Variants in GALNT10 observed in about 807,000 individuals in gnomAD.
GALNT10 encodes the protein GalNAc transferase 10.
GALNT10 carries 41 observed loss-of-function variants against 75.0 expected under a neutral mutation model. That is an observed-to-expected ratio of 0.55 (90% CI 0.43 to 0.71). GALNT10 has a LOEUF of 0.71. Among genes scored for constraint, GALNT10 ranks in the 30% least tolerant of loss-of-function variants. The pLI, the probability that GALNT10 is intolerant of heterozygous loss-of-function variation, is 0.00. For synonymous variants in GALNT10, 302 were observed against 313.0 expected (o/e 0.96, Z 0.37); for missense variants, 727 against 818.5 (o/e 0.89, Z 1.36).
chr5:154,357,812 GC>G (rs1284890754), intron 4 of GALNT10, among the ~76,000 whole-genome samples: 1 of 152,090 alleles, frequency 6.6e-6, no homozygotes, highest in Non-Finnish European at 1.5e-5. Flanking sequence ...CAACCTGGGG[GC>G]CCGTTAAGCA....
chr5:154,214,020 C>G (rs1752826067), intron 1 of GALNT10, among the ~76,000 whole-genome samples: 1 of 152,160 alleles, frequency 6.6e-6, no homozygotes, highest in Non-Finnish European at 1.5e-5. Context: ...AGAAACTGTT[C>G]AACTCTAGTG....
intron 4 of GALNT10, among the ~76,000 whole-genome samples, chr5:154,357,664 T>C (rs1402356499): frequency 2.0e-5 from 3 of 152,208 alleles, no homozygotes; most frequent in Non-Finnish European, 4.4e-5. Flanking sequence ...TCTCCTGATA[T>C]CATCTCTGAG....
At chr5:154,199,333 C>T (rs554206337) in intron 1 of GALNT10, among the ~76,000 whole-genome samples, 2 of 152,270 alleles carry the variant, frequency 1.3e-5, no homozygotes, top group South Asian at 4.1e-4. Flanking sequence ...GGAGACAGAC[C>T]TCTCTTTCCC....
Position 154,409,297 on chromosome 5 carries a change from T to C in GALNT10, c.1165-244T>C, listed in dbSNP as rs927082797. The C allele has an allele frequency of 6.4e-5, 35 of 548,156 alleles. No homozygotes were observed. The highest frequency in any genetic ancestry group is 9.8e-5 in the Non-Finnish European group (30 of 305,464). 34.0% of individuals were successfully genotyped at this position (548,156 alleles called of 1,614,324 possible). On this transcript the variant is annotated intron_variant, in intron 8 of 11. Coordinates refer to ENST00000297107, the MANE Select transcript of GALNT10 (RefSeq NM_198321.4). This position sits in a 1 kb window ranked among gnomAD's most constrained non-coding sequence, Gnocchi z 4.5. Reference sequence around the variant, plus strand: ...AGTGGGGGCTATCGCTAGAAGAAGATGGGATGGAAGATGGGCAGGCAAAAC... The same window carrying C: ...AGTGGGGGCTATCGCTAGAAGAAGACGGGATGGAAGATGGGCAGGCAAAAC...
intron 2 of GALNT10, among the ~76,000 whole-genome samples, chr5:154,295,548 A>G (rs1181510540): frequency 1.8e-4 from 27 of 152,192 alleles, no homozygotes; most frequent in Admixed American, 1.8e-3. Context: ...GGCTTCAGCT[A>G]AAGTTTTCTT....
chr5:154,196,485 A>G (rs991403608), intron 1 of GALNT10, among the ~76,000 whole-genome samples: 2 of 151,982 alleles, frequency 1.3e-5, no homozygotes, highest in African/African-American at 2.4e-5. Context: ...TGTGATCTAG[A>G]GGTTTGTGGC....
chr5:154,283,365 C>A (rs1025970917), intron 1 of GALNT10, among the ~76,000 whole-genome samples: 1 of 149,744 alleles, frequency 6.7e-6, no homozygotes, highest in African/African-American at 2.5e-5. Context: ...AGGAGGATTG[C>A]TTGAGCCCAG....
At chr5:154,191,095 C>T (rs904702892) in intron 1 of GALNT10, 70 bp downstream of exon 1, 1 of 1,057,198 alleles carries the variant, frequency 9.5e-7, no homozygotes, top group Non-Finnish European at 1.3e-6. Flanking sequence ...GTGGTTCCTT[C>T]CTCCACCTTC....
At position 154,284,897 on chromosome 5, in the gene GALNT10, C is replaced by T. The variant is rs571549727; in HGVS notation, c.160-9919C>T. 3.2e-4 allele frequency among the ~76,000 whole-genome samples: 48 copies of T among 152,276 alleles called. No individual in the cohort carries two copies. In the Middle Eastern group the frequency reaches 0.017, roughly 54 times the overall value. Reference sequence around the variant, plus strand: ...TCTCTCCAAGCCTCAGTTTTGTCATCTACAAAGTGGATATAATGACGATAA... The same window carrying T: ...TCTCTCCAAGCCTCAGTTTTGTCATTTACAAAGTGGATATAATGACGATAA... On this transcript the variant is annotated intron_variant, in intron 1 of 11. Transcript: ENST00000297107.
At chr5:154,363,721 G>A (rs1755432059) in intron 4 of GALNT10, among the ~76,000 whole-genome samples, 1 of 152,062 alleles carries the variant, frequency 6.6e-6, no homozygotes, top group African/African-American at 2.4e-5. Context: ...AACTTCATGA[G>A]TGGTCATTTT....
chr5:154,386,907 A>G lies in GALNT10; in HGVS notation c.1056+477A>G, dbSNP rs539907595. 4 of 183,360 alleles carry G rather than the reference A, an allele frequency of 2.2e-5. No homozygotes were observed. In the East Asian group the frequency reaches 6.6e-4, roughly 30 times the overall value. The allele number at this position is 183,360 out of a possible 1,614,324, so 11.4% of individuals were successfully genotyped here. On this transcript the variant is annotated intron_variant, in intron 7 of 11. Coordinates refer to ENST00000297107, the MANE Select transcript of GALNT10 (RefSeq NM_198321.4). ...GAGCATAAGCTCCAGTTGTAAAGTT[A>G]CAAAGGCCTGGATTCAGATCCCAGC... is the stretch of plus-strand genomic sequence containing the variant.
At position 154,419,074 on chromosome 5, in the gene GALNT10, G is replaced by C. The variant is rs1299238756; in HGVS notation, c.*2102G>C. 1 of 152,404 alleles carries C rather than the reference G, an allele frequency of 6.6e-6. No homozygotes were observed. The highest frequency in any genetic ancestry group is 1.9e-4 in the East Asian group (1 of 5,164). 9.4% of individuals were successfully genotyped at this position (152,404 alleles called of 1,614,324 possible). On this transcript the variant is annotated 3_prime_UTR_variant, in exon 12 of 12. Transcript: ENST00000297107. ...TTGCTAGACAAACATAAAGGGGCAG[G>C]GTTGTGGGGAGGGGAACGTTTTTGG... is the stretch of plus-strand genomic sequence containing the variant.
In GALNT10 at chr5:154,245,808, C is replaced by CT. The variant is rs3048584; in HGVS notation, c.160-48991dup. ...GGGATGTCTGGTGATATCTTAAGCG[C>CT]TTTTTTTTTTTTTTTTTACTTTAAG... On this transcript the variant is annotated intron_variant, in intron 1 of 11. Transcript: ENST00000297107. Among the ~76,000 whole-genome samples, 404 of 141,194 alleles carry CT rather than the reference C, an allele frequency of 2.9e-3. 3 individuals are homozygous for CT. Among genetic ancestry groups the CT allele is most frequent in the African/African-American group, 9.8e-3 (374 of 37,988 alleles). The allele number at this position is 141,194 out of a possible 152,430, so 92.6% of individuals were successfully genotyped here.
chr5:154,404,047 C>T lies in GALNT10; in HGVS notation c.1057-57C>T, dbSNP rs572780303. The T allele has an allele frequency of 3.9e-5, 52 of 1,349,844 alleles. No homozygotes were observed. In the African/African-American group the frequency reaches 4.9e-4, roughly 13 times the overall value. 83.6% of individuals were successfully genotyped at this position (1,349,844 alleles called of 1,614,324 possible). A position where few individuals can be genotyped will look rare whatever the true frequency, so the allele number is the denominator to read the frequency against. On this transcript the variant is annotated intron_variant, in intron 7 of 11. Transcript: ENST00000297107. ...AGTGCACTAAGGGATGCTGGCCTGG[C>T]GGGATGGTGAACTGGAAGCAGAAAC...
In GALNT10 at chr5:154,416,135, AT is replaced by A. The variant is rs1370691522; in HGVS notation, c.1653+205del. 6.6e-6 allele frequency among the ~76,000 whole-genome samples: 1 copy of A among 152,222 alleles called. No individual in the cohort carries two copies. The highest frequency in any genetic ancestry group is 6.5e-5 in the Admixed American group (1 of 15,280). On this transcript the variant is annotated intron_variant, in intron 11 of 11. Coordinates refer to ENST00000297107, the MANE Select transcript of GALNT10 (RefSeq NM_198321.4). The surrounding 1 kb of genome is among the most constrained non-coding windows in gnomAD (Gnocchi z 4.5). ...CTCAAGTCTTAAATGTTGGCAACTG[AT>A]TCCATTTAAAAAGAAAAGTGCAGCC... is the stretch of plus-strand genomic sequence containing the variant.
Position 154,402,340 on chromosome 5 carries a change from T to C in GALNT10, c.1057-1764T>C, listed in dbSNP as rs1756186837. The stretch of plus-strand genomic sequence containing the variant: ...CTTGCTCTTCTCCCACCCGTTCCCT[T>C]GCCTTTACTTTCACCTTCTTGGTTC... On this transcript the variant is annotated intron_variant, in intron 7 of 11. Coordinates refer to ENST00000297107, the MANE Select transcript of GALNT10 (RefSeq NM_198321.4). The surrounding 1 kb of genome is among the most constrained non-coding windows in gnomAD (Gnocchi z 4.2). Among the ~76,000 whole-genome samples, 1 of 152,206 alleles carries C rather than the reference T, an allele frequency of 6.6e-6. No individual in the cohort carries two copies. Among genetic ancestry groups the C allele is most frequent in the Non-Finnish European group, 1.5e-5 (1 of 68,032 alleles).
At chr5:154,382,993 A>C (rs1053151045) in intron 6 of GALNT10, among the ~76,000 whole-genome samples, 9 of 152,180 alleles carry the variant, frequency 5.9e-5, no homozygotes, top group African/African-American at 1.9e-4. Context: ...GCTTGTAAAA[A>C]CACAAAGGCT....
intron 1 of GALNT10, among the ~76,000 whole-genome samples, chr5:154,245,808 CTTT>C (rs3048584): frequency 3.6e-3 from 514 of 141,152 alleles, no homozygotes; most frequent in Admixed American, 4.3e-3. Context: ...ATCTTAAGCG[CTTT>C]TTTTTTTTTT....
At chr5:154,293,539 G>C (rs1754226850) in intron 1 of GALNT10, among the ~76,000 whole-genome samples, 1 of 150,868 alleles carries the variant, frequency 6.6e-6, no homozygotes, top group Non-Finnish European at 1.5e-5. Flanking sequence ...CACCTCCCCA[G>C]GTAAATGATA....
Sources: allele counts gnomAD v4.1 joint callset (sites outside exome capture counted in the v4.1 genomes callset), GRCh38; gene constraint gnomAD v4.1.1; non-coding constraint Gnocchi (gnomAD v3.1); transcripts MANE v1.5; gene names NCBI Gene and HGNC (gene_info 2026-07-23, HGNC 2026-07-21).